The following IQSEC1 variants were observed in gnomAD, a reference collection of about 807,000 sequenced individuals.
The protein encoded by IQSEC1 is IQ motif and SEC7 domain-containing protein 1.
Under a neutral mutation model 91.0 loss-of-function variants are expected in IQSEC1, and 31 were observed. The ratio of observed to expected loss-of-function variants is 0.34; its 90% CI spans 0.26 to 0.46. The LOEUF (loss-of-function observed/expected upper bound fraction) is 0.46. Among genes scored for constraint, IQSEC1 ranks in the 20% least tolerant of loss-of-function variants. IQSEC1 has a pLI of 1.00. For missense variants in IQSEC1, 1,388 were observed against 1,575.6 expected (o/e 0.88, Z 2.02); for synonymous variants, 699 against 662.6 (o/e 1.05, Z -0.84).
chr3:13,094,133 C>T (rs1041015121), intron 2 of IQSEC1, among the ~76,000 whole-genome samples: 7 of 152,172 alleles, frequency 4.6e-5, no homozygotes, highest in African/African-American at 1.7e-4. Flanking sequence ...ACCGTGACAT[C>T]CGATCAGGGT....
intron 1 of IQSEC1, among the ~76,000 whole-genome samples, chr3:12,977,153 C>T (rs991348244): frequency 6.6e-6 from 1 of 152,082 alleles, no homozygotes; most frequent in Non-Finnish European, 1.5e-5. Context: ...TAGAGACTAG[C>T]CTGGGCAACA....
intron 2 of IQSEC1, among the ~76,000 whole-genome samples, chr3:13,159,126 C>T (rs1707127299): frequency 1.3e-5 from 2 of 152,030 alleles, no homozygotes; most frequent in South Asian, 4.2e-4. Flanking sequence ...ATCATGTGGG[C>T]GCTTATTTAA....
At chr3:13,072,268 C>T (rs756818242) in intron 1 of IQSEC1, among the ~76,000 whole-genome samples, 2 of 152,252 alleles carry the variant, frequency 1.3e-5, no homozygotes, top group South Asian at 2.1e-4. Context: ...AAAGGTTGCT[C>T]CTCCTAGAAC....
Position 12,935,961 on chromosome 3 carries a change from T to G in IQSEC1, c.1055A>C (p.Glu352Ala). The G allele has an allele frequency of 6.3e-7, 1 of 1,599,172 alleles. No individual in the cohort carries two copies. The highest frequency in any genetic ancestry group is 1.3e-5 in the African/African-American group (1 of 75,028). ...CACCCGCAGCCGCTGCTCCTGCCGC[T>G]CCAGCGACGGCGTGCTCCGGCAGCT... is the stretch of plus-strand genomic sequence containing the variant. The part of the protein sequence containing the change: ...DTSCRSTPSL[E>A]RQEQRLRVEH... Residue 352 changes from glutamate (E) to alanine (A), a missense_variant, in exon 3 of 14, where the codon GAG becomes GCG. Physicochemically the swap from Glu to Ala is moderately radical, Grantham distance 107. Coordinates refer to ENST00000613206, the MANE Select transcript of IQSEC1 (RefSeq NM_001134382.3). The surrounding 1 kb of genome is among the most constrained non-coding windows in gnomAD (Gnocchi z 8.0).
chr3:13,144,551 C>T (rs1184138206), intron 2 of IQSEC1, among the ~76,000 whole-genome samples: 1 of 152,244 alleles, frequency 6.6e-6, no homozygotes, highest in African/African-American at 2.4e-5. Flanking sequence ...ACAGGGGAAG[C>T]CCTGGGGACA....
At chr3:13,216,868 T>C (rs1694560570) in intron 1 of IQSEC1, among the ~76,000 whole-genome samples, 1 of 152,168 alleles carries the variant, frequency 6.6e-6, no homozygotes, top group South Asian at 2.1e-4. Flanking sequence ...CTCCAGAACA[T>C]ATGGACGCTT....
rs2124939408 is a variant in IQSEC1, at chr3:12,898,215, C to T, written c.*2768G>A. On this transcript the variant is annotated 3_prime_UTR_variant, in exon 14 of 14. Coordinates refer to ENST00000613206, the MANE Select transcript of IQSEC1 (RefSeq NM_001134382.3). ...AGGTGGGATCTCTAAAGGGGACAGT[C>T]CCATGAAAGACACACGGGGACACCA... is the stretch of plus-strand genomic sequence containing the variant. The T allele has an allele frequency of 6.6e-6, 1 of 152,348 alleles. No individual in the cohort carries two copies. Among genetic ancestry groups the T allele is most frequent in the Admixed American group, 6.5e-5 (1 of 15,306 alleles). The allele number at this position is 152,348 out of a possible 1,614,324, so 9.4% of individuals were successfully genotyped here.
chr3:13,029,627 T>C (rs1353934632), intron 1 of IQSEC1, among the ~76,000 whole-genome samples: 1 of 152,250 alleles, frequency 6.6e-6, no homozygotes, highest in East Asian at 1.9e-4. Flanking sequence ...ACTCCCTGGG[T>C]CTTGCCGTCC....
chr3:13,117,576 A>G (rs1437348116), intron 2 of IQSEC1, among the ~76,000 whole-genome samples: 5 of 136,088 alleles, frequency 3.7e-5, no homozygotes, highest in African/African-American at 8.4e-5. Flanking sequence ...TCTCAAAAAA[A>G]AAAAAAAAAA....
Position 13,053,012 on chromosome 3 carries a change from G to T in IQSEC1, c.23+19980C>A, listed in dbSNP as rs551205976. The stretch of plus-strand genomic sequence containing the variant: ...TTCTCCAATGTCTCCTTTTGGAGTT[G>T]TGCCTGATTTTATTACCAGTTTTCA... On this transcript the variant is annotated intron_variant, in intron 1 of 13. Coordinates refer to ENST00000613206, the MANE Select transcript of IQSEC1 (RefSeq NM_001134382.3). 54 of 1,192,754 alleles carry T rather than the reference G, an allele frequency of 4.5e-5. No homozygotes were observed. In the African/African-American group the frequency reaches 7.3e-4, roughly 16 times the overall value. The allele number at this position is 1,192,754 out of a possible 1,614,324, so 73.9% of individuals were successfully genotyped here.
Position 12,935,414 on chromosome 3 carries a change from C to A in IQSEC1, c.1568+34G>T. The A allele has an allele frequency of 6.3e-7, 1 of 1,581,254 alleles. No homozygotes were observed. Among genetic ancestry groups the A allele is most frequent in the Admixed American group, 1.7e-5 (1 of 58,886 alleles). ...CCCGCCAAGGCCCAGCAAGCCACAG[C>A]TGCCCACCCTGAGGGGTCACCCATG... On this transcript the variant is annotated intron_variant, in intron 3 of 13. Coordinates refer to ENST00000613206, the MANE Select transcript of IQSEC1 (RefSeq NM_001134382.3). The surrounding 1 kb of genome is among the most constrained non-coding windows in gnomAD (Gnocchi z 8.0).
intron 1 of IQSEC1, among the ~76,000 whole-genome samples, chr3:13,221,976 A>G (rs1694668319): frequency 6.6e-6 from 1 of 152,242 alleles, no homozygotes; most frequent in African/African-American, 2.4e-5. Context: ...ACCCCAGCCT[A>G]CAGCCCTGCA....
At chr3:13,153,029 C>A (rs1707025961) in intron 2 of IQSEC1, among the ~76,000 whole-genome samples, 2 of 151,496 alleles carry the variant, frequency 1.3e-5, no homozygotes, top group African/African-American at 4.8e-5. Flanking sequence ...CATCCTCCCT[C>A]CCATGCCTCC....
rs759098618 is a variant in IQSEC1, at chr3:12,936,304, C to T, written c.712G>A (p.Glu238Lys). ...CAGTTGAGGGCATCGTCGATGGACTCGGCCAGTGATTTCACTTGCCTAGAG... is the reference window on the plus strand; with the variant it reads ...CAGTTGAGGGCATCGTCGATGGACTTGGCCAGTGATTTCACTTGCCTAGAG... The part of the protein sequence containing the change: ...AFSRQVKSLA[E>K]SIDDALNCRS... The change falls in exon 3 of 14, where the codon GAG becomes AAG. Residue 238 changes from glutamate to lysine, a missense_variant. Transcript: ENST00000613206. 2 of 1,612,556 alleles carry T rather than the reference C, an allele frequency of 1.2e-6. No individual in the cohort carries two copies. The highest frequency in any genetic ancestry group is 1.1e-5 in the South Asian group (1 of 91,018).
At chr3:13,224,175 G>A (rs1694711700) in intron 1 of IQSEC1, among the ~76,000 whole-genome samples, 1 of 152,102 alleles carries the variant, frequency 6.6e-6, no homozygotes, top group South Asian at 2.1e-4. Flanking sequence ...CCTACCACAG[G>A]GGCCGTTAGA....
chr3:12,976,916 C>A (rs935147507), intron 1 of IQSEC1, among the ~76,000 whole-genome samples: 2 of 147,600 alleles, frequency 1.4e-5, no homozygotes, highest in Non-Finnish European at 3.0e-5. Flanking sequence ...CCCCACCCCT[C>A]TTTATACCAT....
At position 12,915,753 on chromosome 3, in the gene IQSEC1, G is replaced by C. The variant is rs375904760; in HGVS notation, c.2021-20C>G. On this transcript the variant is annotated intron_variant, in intron 6 of 13. Coordinates refer to ENST00000613206, the MANE Select transcript of IQSEC1 (RefSeq NM_001134382.3). Reference sequence around the variant, plus strand: ...CCACACCTGGGTAGGGGATGCAGCTGGATATCAGGGTGGGCCCCAGGCTCA... The same window carrying C: ...CCACACCTGGGTAGGGGATGCAGCTCGATATCAGGGTGGGCCCCAGGCTCA... 4.1e-5 allele frequency: 66 copies of C among 1,612,048 alleles called. No homozygotes were observed. The Admixed American group carries it at 9.7e-4, about 24-fold the overall frequency.
rs1453276167 is a variant in IQSEC1, at chr3:12,940,965, G to A, written c.318+606C>T. Among the ~76,000 whole-genome samples, 1 of 152,212 alleles carries A rather than the reference G, an allele frequency of 6.6e-6. No individual in the cohort carries two copies. Among genetic ancestry groups the A allele is most frequent in the East Asian group, 1.9e-4 (1 of 5,192 alleles). On this transcript the variant is annotated intron_variant, in intron 2 of 13. Coordinates refer to ENST00000613206, the MANE Select transcript of IQSEC1 (RefSeq NM_001134382.3). This position sits in a 1 kb window ranked among gnomAD's most constrained non-coding sequence, Gnocchi z 4.4. Reference sequence around the variant, plus strand: ...CCTCAAGCCCAGCCCTAGGCACACTGTGGGTCTGGGCCACCTCTAAGGGCC... The same window carrying A: ...CCTCAAGCCCAGCCCTAGGCACACTATGGGTCTGGGCCACCTCTAAGGGCC...
chr3:12,911,894 C>T (rs1695592998), intron 9 of IQSEC1, among the ~76,000 whole-genome samples, 166 bp from the exon 10 acceptor site: 1 of 152,224 alleles, frequency 6.6e-6, no homozygotes, highest in African/African-American at 2.4e-5. Context: ...ACAACGGTTC[C>T]TGTCCCCGCA....
Sources: gnomAD v4.1 joint callset for allele counts (sites outside exome capture counted in the v4.1 genomes callset) on GRCh38, gnomAD v4.1.1 for gene constraint, Gnocchi (gnomAD v3.1) non-coding constraint, MANE v1.5 for transcripts, NCBI Gene and HGNC (gene_info 2026-07-23, HGNC 2026-07-21) for gene names.